TMEM132C: variants seen among roughly 807,000 people sequenced by gnomAD.
TMEM132C encodes the protein protein phosphatase 1, regulatory subunit 152.
A neutral mutation model predicts 61.4 loss-of-function variants in TMEM132C; 29 were observed. The ratio of observed to expected loss-of-function variants is 0.47; its 90% CI spans 0.35 to 0.64. TMEM132C has a LOEUF of 0.64. Ranked by LOEUF, TMEM132C falls within the 30% of genes least tolerant of loss-of-function variation. The probability of loss-of-function intolerance (pLI) is 0.00; values close to 1 mark genes in which losing one functional copy is unlikely to be tolerated. For missense variants in TMEM132C, 1,408 were observed against 1,476.9 expected (o/e 0.95, Z 0.76); for synonymous variants, 656 against 633.1 (o/e 1.04, Z -0.54).
chr12:128,506,128 G>A (rs147287809), intron 2 of TMEM132C, among the ~76,000 whole-genome samples: 31 of 152,286 alleles, frequency 2.0e-4, no homozygotes, highest in East Asian at 7.7e-4. Context: ...CAACCTCGCC[G>A]TCATTAATAT....
rs571300604 is a variant in TMEM132C, at chr12:128,281,082, T to C, written c.85+13595T>C. Among the ~76,000 whole-genome samples the C allele has an allele frequency of 1.1e-4, 16 of 152,320 alleles. No individual in the cohort carries two copies. The East Asian group carries it at 2.5e-3, about 24-fold the overall frequency. Reference sequence around the variant, plus strand: ...ATGCAAGCAAGTAGTATCTCTTTCCTCCTCAGAAGTCTACTTGGATTAGTA... The same window carrying C: ...ATGCAAGCAAGTAGTATCTCTTTCCCCCTCAGAAGTCTACTTGGATTAGTA... On this transcript the variant is annotated intron_variant, in intron 1 of 8. Coordinates refer to ENST00000435159, the MANE Select transcript of TMEM132C (RefSeq NM_001136103.3).
At chr12:128,561,301 T>C (rs550905418) in intron 3 of TMEM132C, among the ~76,000 whole-genome samples, 98 of 152,382 alleles carry the variant, frequency 6.4e-4, no homozygotes, top group South Asian at 2.5e-3. Flanking sequence ...TAAGGAAATA[T>C]AGAGCTTCTT....
At chr12:128,637,717 C>A (rs1338897074) in intron 4 of TMEM132C, among the ~76,000 whole-genome samples, 2 of 152,290 alleles carry the variant, frequency 1.3e-5, no homozygotes, top group Non-Finnish European at 2.9e-5. Flanking sequence ...TTCCTCTCGC[C>A]ACGATACAAA....
rs911167411 is a variant in TMEM132C at position 128,415,505 on chromosome 12, C to T, written c.859C>T (p.Arg287Cys). The change falls in exon 2 of 9, where the codon CGT becomes TGT. Residue 287 changes from arginine to cysteine, a missense_variant. Physicochemically the swap from Arg to Cys is radical, Grantham distance 180 (BLOSUM62 -3). Transcript: ENST00000435159. This position sits in a 1 kb window ranked among gnomAD's most constrained non-coding sequence, Gnocchi z 5.8. Reference protein sequence around the residue: ...AQDSAQLSELRLDGNVVIWLP... With the variant: ...AQDSAQLSELCLDGNVVIWLP... ...GGACAGCGCCCAGCTCAGCGAGCTGCGTTTGGATGGTAACGTGGTCATCTG... is the reference window on the plus strand; with the variant it reads ...GGACAGCGCCCAGCTCAGCGAGCTGTGTTTGGATGGTAACGTGGTCATCTG... 26 of 1,551,418 alleles carry T rather than the reference C, an allele frequency of 1.7e-5. No individual in the cohort carries two copies. Among genetic ancestry groups the T allele is most frequent in the African/African-American group, 2.7e-5 (2 of 73,008 alleles).
chr12:128,668,792 C>G (rs944572711), intron 4 of TMEM132C, among the ~76,000 whole-genome samples: 1 of 152,168 alleles, frequency 6.6e-6, no homozygotes, highest in Non-Finnish European at 1.5e-5. Flanking sequence ...CTGTTCACAT[C>G]TCTTGGCTCA....
intron 3 of TMEM132C, among the ~76,000 whole-genome samples, chr12:128,589,159 G>A (rs892369676): frequency 1.3e-5 from 2 of 152,088 alleles, no homozygotes; most frequent in African/African-American, 4.8e-5. Flanking sequence ...ACAGACTCCC[G>A]GCTGGAAAGG....
chr12:128,353,205 A>G (rs923939297), intron 1 of TMEM132C, among the ~76,000 whole-genome samples: 1 of 152,230 alleles, frequency 6.6e-6, no homozygotes, highest in Non-Finnish European at 1.5e-5. Flanking sequence ...GTTTATCAAC[A>G]GTGAATAAAA....
At chr12:128,586,029 G>A (rs544609533) in intron 3 of TMEM132C, among the ~76,000 whole-genome samples, 3 of 152,082 alleles carry the variant, frequency 2.0e-5, no homozygotes, top group South Asian at 4.1e-4. Flanking sequence ...CCCTAAAAAC[G>A]GTGCAGATCG....
chr12:128,460,753 C>A (rs1017477750), intron 2 of TMEM132C, among the ~76,000 whole-genome samples: 1 of 152,158 alleles, frequency 6.6e-6, no homozygotes, highest in Non-Finnish European at 1.5e-5. Flanking sequence ...GATTCATGCA[C>A]CCTCCTGTCC....
At chr12:128,349,379 G>T (rs1400816673) in intron 1 of TMEM132C, among the ~76,000 whole-genome samples, 1 of 152,170 alleles carries the variant, frequency 6.6e-6, no homozygotes, top group African/African-American at 2.4e-5. Context: ...TGCCAGGTGA[G>T]CATGAGTGGC....
chr12:128,534,744 A>T (rs1189637746), intron 2 of TMEM132C, among the ~76,000 whole-genome samples: 3 of 152,220 alleles, frequency 2.0e-5, no homozygotes, highest in Admixed American at 6.5e-5. Flanking sequence ...GTAGACAGGA[A>T]TATCCACTGC....
intron 3 of TMEM132C, among the ~76,000 whole-genome samples, chr12:128,598,464 G>A (rs934352345): frequency 1.3e-5 from 2 of 151,968 alleles, no homozygotes; most frequent in Non-Finnish European, 2.9e-5. Flanking sequence ...AGGAATGAGT[G>A]TGGAAGACAG....
chr12:128,649,638 T>C (rs1954247707), intron 4 of TMEM132C, among the ~76,000 whole-genome samples: 1 of 152,200 alleles, frequency 6.6e-6, no homozygotes, highest in Non-Finnish European at 1.5e-5. Flanking sequence ...TTGCAAACAG[T>C]AAAGAGGTTA....
intron 5 of TMEM132C, 58 bp downstream of exon 5, chr12:128,669,618 G>A (rs564229625): frequency 2.8e-4 from 430 of 1,532,360 alleles, no homozygotes; most frequent in Admixed American, 6.6e-4. Context: ...TGGACATCCC[G>A]TTTGCTAGGG....
chr12:128,553,065 T>C (rs1874225625), intron 3 of TMEM132C, among the ~76,000 whole-genome samples: 1 of 152,138 alleles, frequency 6.6e-6, no homozygotes, highest in Non-Finnish European at 1.5e-5. Flanking sequence ...GGGTGTCCAG[T>C]CTTTTGGCTT....
rs192955350 is a variant in TMEM132C, at chr12:128,492,665, G to T, written c.975-51292G>T. On this transcript the variant is annotated intron_variant, in intron 2 of 8. Transcript: ENST00000435159. ...AAGTGTCTTCTTTTGAGAAGTGTCT[G>T]TTCATATCCTTTGTCCACTTTGTGA... Among the ~76,000 whole-genome samples, 279 of 152,298 alleles carry T rather than the reference G, an allele frequency of 1.8e-3. 2 individuals carry two copies. The highest frequency in any genetic ancestry group is 2.1e-3 in the South Asian group (10 of 4,818).
chr12:128,677,043 A>G (rs1364674434), intron 5 of TMEM132C, among the ~76,000 whole-genome samples: 1 of 152,260 alleles, frequency 6.6e-6, no homozygotes, highest in African/African-American at 2.4e-5. Flanking sequence ...AACCCCAGGA[A>G]CAATAATAGG....
intron 1 of TMEM132C, among the ~76,000 whole-genome samples, chr12:128,350,759 C>A (rs931968173): frequency 6.6e-6 from 1 of 152,050 alleles, no homozygotes; most frequent in Non-Finnish European, 1.5e-5. Flanking sequence ...GAGCGCTCGA[C>A]CACCCAGAAT....
At chr12:128,507,506 C>T (rs2136114825) in intron 2 of TMEM132C, among the ~76,000 whole-genome samples, 1 of 144,932 alleles carries the variant, frequency 6.9e-6, no homozygotes, top group South Asian at 2.2e-4. Flanking sequence ...TGTCTGTGTG[C>T]TTCATTTCCT....
Sources: allele counts gnomAD v4.1 joint callset (sites outside exome capture counted in the v4.1 genomes callset), GRCh38; gene constraint gnomAD v4.1.1; non-coding constraint Gnocchi (gnomAD v3.1); transcripts MANE v1.5; gene names NCBI Gene and HGNC (gene_info 2026-07-23, HGNC 2026-07-21).